GDE1: variants seen among roughly 807,000 people sequenced by gnomAD.
The protein encoded by GDE1 is RGS16-interacting membrane protein.
GDE1 carries 24 observed loss-of-function variants against 32.2 expected under a neutral mutation model. That is an observed-to-expected ratio of 0.75 (90% confidence interval 0.54 to 1.05). GDE1 has a LOEUF of 1.05. Among genes scored for constraint, GDE1 ranks in the 50% least tolerant of loss-of-function variants. The pLI is 0.00. For synonymous variants in GDE1, 159 were observed against 158.6 expected (o/e 1.00, Z -0.02); for missense variants, 380 against 415.0 (o/e 0.92, Z 0.73).
intron 2 of GDE1, among the ~76,000 whole-genome samples, chr16:19,514,096 T>G (rs1017945831): frequency 4.7e-5 from 6 of 127,856 alleles, no homozygotes; most frequent in Admixed American, 1.7e-4. Flanking sequence ...TGTTTTGTTT[T>G]GTTTTGATTT....
rs1327530269 is a variant in GDE1 at position 19,513,749 on chromosome 16, T to C, written c.438-2805A>G. Among the ~76,000 whole-genome samples the C allele has an allele frequency of 2.0e-5, 3 of 152,350 alleles. No individual in the cohort carries two copies. In the East Asian group the frequency reaches 5.8e-4, roughly 29 times the overall value. On this transcript the variant is annotated intron_variant, in intron 2 of 5. Transcript: ENST00000353258. The stretch of plus-strand genomic sequence containing the variant: ...AACTGATAAAACTGAAAGTATCCAG[T>C]AAGTACAGACTAAATGTAATCATAA...
intron 1 of GDE1, among the ~76,000 whole-genome samples, chr16:19,518,767 T>G (rs1447995276): frequency 2.0e-5 from 3 of 152,230 alleles, no homozygotes; most frequent in Non-Finnish European, 4.4e-5. Context: ...TTTAAACACA[T>G]CTTTAAAGGT....
chr16:19,509,176 C>T (rs146200023), intron 3 of GDE1, among the ~76,000 whole-genome samples: 65 of 152,240 alleles, frequency 4.3e-4, no homozygotes, highest in Non-Finnish European at 8.8e-4. Context: ...ATGGCACATG[C>T]CTCTAATCTC....
intron 1 of GDE1, among the ~76,000 whole-genome samples, chr16:19,520,409 A>G (rs904097037): frequency 1.6e-4 from 16 of 99,132 alleles, no homozygotes; most frequent in African/African-American, 9.9e-4. Flanking sequence ...AAAAAAAAAG[A>G]AAAAAAAAAA....
chr16:19,510,796 A>T, intron 3 of GDE1, 43 bp downstream of exon 3: 1 of 832,220 alleles, frequency 1.2e-6, no homozygotes, highest in Non-Finnish European at 1.9e-6. Context: ...CAATGAAATA[A>T]GATGTCTTTT....
chr16:19,506,192 G>GA (rs1969243921), intron 4 of GDE1, among the ~76,000 whole-genome samples: 1 of 151,880 alleles, frequency 6.6e-6, no homozygotes, highest in Admixed American at 6.6e-5. Flanking sequence ...AAAATAAAGA[G>GA]AAAAAAATAT....
At chr16:19,504,390 T>G (rs1473324229) in intron 5 of GDE1, 1 of 159,850 alleles carries the variant, frequency 6.3e-6, no homozygotes, top group Non-Finnish European at 1.4e-5. Flanking sequence ...GAAATAATAC[T>G]AGACCTACAA....
chr16:19,507,141 AAAATAAATAAATAAATAAATAAAT>A (rs79540258), intron 4 of GDE1, among the ~76,000 whole-genome samples: 1 of 143,398 alleles, frequency 7.0e-6, no homozygotes, highest in African/African-American at 2.6e-5. Context: ...CCCGTCTTTT[AAAATAAATAAATAAATAAATAAAT>A]AAATAAATAA....
At chr16:19,520,660 G>A (rs1367002998) in intron 1 of GDE1, among the ~76,000 whole-genome samples, 2 of 151,794 alleles carry the variant, frequency 1.3e-5, no homozygotes, top group African/African-American at 4.8e-5. Context: ...GGGAGGCAGG[G>A]GTTGCAGTGC....
rs776381521 is a variant in GDE1, at chr16:19,521,821, C to T, written c.144G>A (p.Glu48=). Reference sequence around the variant, plus strand: ...GCAGGGCCCTGCAAGAGGGCACCGGCTCAAAGCTGAAGACGCGCAGTAGAA... The same window carrying T: ...GCAGGGCCCTGCAAGAGGGCACCGGTTCAAAGCTGAAGACGCGCAGTAGAA... The part of the protein sequence containing the change: ...LFVLLRVFSF[E]PVPSCRALQV... The change falls in exon 1 of 6, where the codon GAG becomes GAA. Residue 48 remains glutamate, a synonymous_variant. Coordinates refer to ENST00000353258, the MANE Select transcript of GDE1 (RefSeq NM_016641.4). 1 of 1,611,154 alleles carries T rather than the reference C, an allele frequency of 6.2e-7. No homozygotes were observed. Among genetic ancestry groups the T allele is most frequent in the East Asian group, 2.2e-5 (1 of 44,760 alleles).
rs968935377 is a variant in GDE1, at chr16:19,505,106, T to C, written c.637-14A>G. On this transcript the variant is annotated splice_polypyrimidine_tract_variant and intron_variant, in intron 4 of 5. Transcript: ENST00000353258. The stretch of plus-strand genomic sequence containing the variant: ...TGTTTGTCTCATCTGCAAAGGAATT[T>C]GGGGAAGTAAAATAATGATCATATG... The C allele has an allele frequency of 1.2e-5, 19 of 1,547,474 alleles. No homozygotes were observed. In the Middle Eastern group the frequency reaches 5.1e-4, roughly 41 times the overall value.
In GDE1 at chr16:19,503,220, A is replaced by G; in HGVS notation, c.*250T>C. 1 of 485,996 alleles carries G rather than the reference A, an allele frequency of 2.1e-6. No individual in the cohort carries two copies. The highest frequency in any genetic ancestry group is 3.7e-6 in the Non-Finnish European group (1 of 269,182). 30.1% of individuals were successfully genotyped at this position (485,996 alleles called of 1,614,324 possible). ...TCTCCCTGTGTGCCTCAGCTAGGGC[A>G]GGGCAGGGGCTCTTGTGCGTTTTTT... On this transcript the variant is annotated 3_prime_UTR_variant, in exon 6 of 6. Transcript: ENST00000353258.
intron 5 of GDE1, chr16:19,504,410 G>A (rs1053316378): frequency 2.5e-5 from 4 of 161,560 alleles, no homozygotes; most frequent in African/African-American, 9.6e-5. Context: ...ACTCTAATTA[G>A]CTGAAATATA....
intron 4 of GDE1, 45 bp from the exon 5 acceptor site, chr16:19,505,137 T>C (rs1263255943): frequency 3.1e-6 from 4 of 1,292,082 alleles, no homozygotes; most frequent in South Asian, 2.4e-5. Context: ...ATATGTAAAG[T>C]TGAATACTTA....
chr16:19,519,275 A>G (rs1397594630), intron 1 of GDE1, among the ~76,000 whole-genome samples: 1 of 151,988 alleles, frequency 6.6e-6, no homozygotes, highest in African/African-American at 2.4e-5. Flanking sequence ...CACAATTTGA[A>G]AGACAGGGAA....
At chr16:19,504,628 A>C in intron 5 of GDE1, 1 of 416,284 alleles carries the variant, frequency 2.4e-6, no homozygotes, top group Middle Eastern at 7.0e-4. Context: ...CTTGCTCAGC[A>C]TAGTGTCACA....
intron 2 of GDE1, 98 bp from the exon 3 acceptor site, chr16:19,511,042 A>G: frequency 3.4e-6 from 2 of 593,506 alleles, no homozygotes; most frequent in Non-Finnish European, 6.0e-6. Flanking sequence ...AAAAGGAAAG[A>G]GTGTTTTCTC....
At position 19,505,095 on chromosome 16, in the gene GDE1, G is replaced by C. The variant is rs1373717493; in HGVS notation, c.637-3C>G. ...ACATCCCGATCTGTTTGTCTCATCT[G>C]CAAAGGAATTTGGGGAAGTAAAATA... is the stretch of plus-strand genomic sequence containing the variant. On this transcript the variant is annotated splice_region_variant and splice_polypyrimidine_tract_variant and intron_variant, in intron 4 of 5. Transcript: ENST00000353258. 6.3e-7 allele frequency: 1 copy of C among 1,589,824 alleles called. No homozygotes were observed. The highest frequency in any genetic ancestry group is 1.7e-5 in the Admixed American group (1 of 59,946).
chr16:19,517,563 A>T (rs572917375), intron 1 of GDE1, among the ~76,000 whole-genome samples: 3 of 152,232 alleles, frequency 2.0e-5, no homozygotes, highest in Admixed American at 2.0e-4. Flanking sequence ...AGTTCTGATG[A>T]TCACCCTACG....
Sources: allele counts gnomAD v4.1 joint callset (sites outside exome capture counted in the v4.1 genomes callset), GRCh38; gene constraint gnomAD v4.1.1; transcripts MANE v1.5; gene names NCBI Gene and HGNC (gene_info 2026-07-23, HGNC 2026-07-21).